Variants in FAM227B observed in about 807,000 individuals in gnomAD.
The protein encoded by FAM227B is protein FAM227B.
A neutral mutation model predicts 73.8 loss-of-function variants in FAM227B; 88 were observed. That is an observed-to-expected ratio of 1.19 (90% CI 1.00 to 1.42). The LOEUF (loss-of-function observed/expected upper bound fraction) is 1.42. Ranked by LOEUF, FAM227B falls within the 40% of genes most tolerant of loss-of-function variation. The pLI is 0.00. For synonymous variants in FAM227B, 210 were observed against 190.5 expected (o/e 1.10, Z -0.84); for missense variants, 632 against 590.9 (o/e 1.07, Z -0.72).
chr15:49,416,768 CAT>C (rs1346614758), intron 11 of FAM227B, among the ~76,000 whole-genome samples: 8 of 100,210 alleles, frequency 8.0e-5, no homozygotes, highest in Non-Finnish European at 1.7e-4. Context: ...GCCACACACA[CAT>C]AGACACACAC....
intron 10 of FAM227B, among the ~76,000 whole-genome samples, chr15:49,538,474 T>G (rs1053422859): frequency 6.6e-6 from 1 of 152,142 alleles, no homozygotes; most frequent in Admixed American, 6.5e-5. Flanking sequence ...AGGCTGAGAC[T>G]TTGGGTCCCC....
intron 12 of FAM227B, among the ~76,000 whole-genome samples, chr15:49,368,253 T>C (rs1201692007): frequency 6.6e-6 from 1 of 152,152 alleles, no homozygotes; most frequent in Non-Finnish European, 1.5e-5. Flanking sequence ...TCCAAGATTC[T>C]ATTATTCCCT....
chr15:49,568,792 T>C (rs1055287763), intron 8 of FAM227B, among the ~76,000 whole-genome samples: 2 of 152,018 alleles, frequency 1.3e-5, no homozygotes, highest in Non-Finnish European at 2.9e-5. Flanking sequence ...GCTAGTATTT[T>C]GTTGAGGATT....
chr15:49,436,354 A>G (rs12592177), intron 11 of FAM227B, among the ~76,000 whole-genome samples: 3,512 of 151,722 alleles, frequency 0.023, 88 homozygotes, highest in South Asian at 0.13. Context: ...ATCATTGTAT[A>G]TTAAGGAGCA....
chr15:49,506,120 A>G (rs1196943225), intron 11 of FAM227B, among the ~76,000 whole-genome samples: 3 of 152,032 alleles, frequency 2.0e-5, no homozygotes, highest in Admixed American at 6.6e-5. Context: ...GCAAAAATCA[A>G]TAACATTAAA....
At chr15:49,459,642 A>C (rs2053616827) in intron 11 of FAM227B, among the ~76,000 whole-genome samples, 1 of 152,170 alleles carries the variant, frequency 6.6e-6, no homozygotes, top group African/African-American at 2.4e-5. Context: ...GGAATAATTA[A>C]AACTAGTATT....
chr15:49,498,247 A>G, intron 11 of FAM227B, among the ~76,000 whole-genome samples: 1 of 152,218 alleles, frequency 6.6e-6, no homozygotes, highest in East Asian at 1.9e-4. Flanking sequence ...ATTTCAATTT[A>G]TAGTCTAGCA....
intron 11 of FAM227B, among the ~76,000 whole-genome samples, chr15:49,506,035 A>G (rs1188410515): frequency 6.6e-6 from 1 of 152,056 alleles, no homozygotes; most frequent in Non-Finnish European, 1.5e-5. Flanking sequence ...TCACAGCTAC[A>G]AAGGAACATT....
intron 3 of FAM227B, among the ~76,000 whole-genome samples, chr15:49,594,314 C>T (rs1206041286): frequency 2.0e-5 from 3 of 151,952 alleles, no homozygotes; most frequent in African/African-American, 7.3e-5. Flanking sequence ...CTTGTAGACT[C>T]TGGATATTAG....
intron 11 of FAM227B, among the ~76,000 whole-genome samples, chr15:49,397,249 C>A (rs982738061): frequency 4.6e-5 from 7 of 151,982 alleles, no homozygotes; most frequent in Middle Eastern, 3.2e-3. Context: ...GGGTATCAGC[C>A]ATGGAAGATG....
chr15:49,484,447 A>G (rs532536421), intron 11 of FAM227B: 4 of 1,577,096 alleles, frequency 2.5e-6, no homozygotes, highest in East Asian at 2.3e-5. Context: ...CTGTAAGAGG[A>G]AAAAAAACGA....
intron 11 of FAM227B, among the ~76,000 whole-genome samples, chr15:49,412,190 T>C (rs1479338162): frequency 6.6e-6 from 1 of 152,228 alleles, no homozygotes; most frequent in Non-Finnish European, 1.5e-5. Flanking sequence ...AAAAATTATA[T>C]TAGAAAAAAA....
At chr15:49,470,214 A>G (rs2151961676) in intron 11 of FAM227B, among the ~76,000 whole-genome samples, 1 of 151,532 alleles carries the variant, frequency 6.6e-6, no homozygotes, top group East Asian at 2.0e-4. Context: ...ACCACATGTG[A>G]GAATACTTTA....
In FAM227B at chr15:49,401,074, T is replaced by C. The variant is rs201242070; in HGVS notation, c.1013-29675A>G. Reference sequence around the variant, plus strand: ...CAGAGTGAACAGGCAACCTACAGAATGGGAGAAAATTTTCGCAAACTACTC... The same window carrying C: ...CAGAGTGAACAGGCAACCTACAGAACGGGAGAAAATTTTCGCAAACTACTC... On this transcript the variant is annotated intron_variant, in intron 11 of 15. Coordinates refer to ENST00000299338, the MANE Select transcript of FAM227B (RefSeq NM_152647.3). 1.2e-3 allele frequency among the ~76,000 whole-genome samples: 185 copies of C among 152,342 alleles called. 1 individual carries two copies. In the East Asian group the frequency reaches 0.035, roughly 28 times the overall value.
chr15:49,405,797 C>A (rs1182769326), intron 11 of FAM227B, among the ~76,000 whole-genome samples: 2 of 152,182 alleles, frequency 1.3e-5, no homozygotes, highest in Non-Finnish European at 2.9e-5. Flanking sequence ...AGAAGTGATG[C>A]AGTCATTTGG....
chr15:49,397,310 G>A (rs1286914464), intron 11 of FAM227B, among the ~76,000 whole-genome samples: 3 of 152,058 alleles, frequency 2.0e-5, no homozygotes, highest in Non-Finnish European at 4.4e-5. Flanking sequence ...AAGAATAAAA[G>A]GAAATGAGCA....
intron 10 of FAM227B, among the ~76,000 whole-genome samples, chr15:49,535,101 G>A (rs1376244977): frequency 1.3e-5 from 2 of 151,244 alleles, no homozygotes; most frequent in Non-Finnish European, 3.0e-5. Context: ...CAGAAACAAA[G>A]CAAATAGAAA....
intron 5 of FAM227B, among the ~76,000 whole-genome samples, chr15:49,579,792 A>G (rs1598357410): frequency 6.6e-6 from 1 of 152,214 alleles, no homozygotes; most frequent in East Asian, 1.9e-4. Flanking sequence ...CTATAAAAGA[A>G]TATTTGAAAT....
chr15:49,453,393 C>T (rs983857219), intron 11 of FAM227B, among the ~76,000 whole-genome samples: 26 of 152,130 alleles, frequency 1.7e-4, no homozygotes, highest in African/African-American at 3.4e-4. Flanking sequence ...CATGCGCCAC[C>T]GTGCCTGGCC....
Sources: allele counts gnomAD v4.1 joint callset (sites outside exome capture counted in the v4.1 genomes callset), GRCh38; gene constraint gnomAD v4.1.1; transcripts MANE v1.5; gene names NCBI Gene and HGNC (gene_info 2026-07-23, HGNC 2026-07-21).